PRKG1: variants seen among roughly 807,000 people sequenced by gnomAD.
PRKG1 encodes the protein protein kinase cGMP-dependent 1, also known as cGMP-dependent protein kinase 1.
PRKG1 carries 35 observed loss-of-function variants against 88.1 expected under a neutral mutation model. That is an observed-to-expected ratio of 0.40 (90% CI 0.30 to 0.53). The LOEUF is 0.53. Ranked by LOEUF, PRKG1 falls within the 20% of genes least tolerant of loss-of-function variation. PRKG1 has a pLI of 0.59. For missense variants in PRKG1, 540 were observed against 839.8 expected, an observed-to-expected ratio of 0.64 and a Z score of 4.41; for synonymous variants, 303 against 292.5, an observed-to-expected ratio of 1.04 and a Z score of -0.37.
At chr10:51,493,788 T>C (rs1352165545) in intron 3 of PRKG1, among the ~76,000 whole-genome samples, 1 of 152,220 alleles carries the variant, frequency 6.6e-6, no homozygotes, top group Non-Finnish European at 1.5e-5. Context: ...CCTACTAGAA[T>C]TCAAATTCTA....
At chr10:51,913,858 G>T (rs1842279145) in intron 5 of PRKG1, among the ~76,000 whole-genome samples, 1 of 152,158 alleles carries the variant, frequency 6.6e-6, no homozygotes, top group African/African-American at 2.4e-5. Flanking sequence ...TTAGGTGCAA[G>T]TATGGAACAG....
At chr10:51,707,277 A>G (rs1409265040) in intron 3 of PRKG1, among the ~76,000 whole-genome samples, 1 of 152,174 alleles carries the variant, frequency 6.6e-6, no homozygotes, top group East Asian at 1.9e-4. Context: ...GGCCTGCCTG[A>G]ACTTTGACTG....
intron 8 of PRKG1, among the ~76,000 whole-genome samples, chr10:52,150,710 G>A (rs529929061): frequency 5.9e-5 from 9 of 152,214 alleles, no homozygotes; most frequent in African/African-American, 2.2e-4. Flanking sequence ...GAGTTTCACA[G>A]CATAAATAAC....
intron 2 of PRKG1, among the ~76,000 whole-genome samples, chr10:51,237,813 C>T (rs920724744): frequency 2.0e-5 from 3 of 152,072 alleles, no homozygotes; most frequent in African/African-American, 7.2e-5. Flanking sequence ...CACTGATATC[C>T]TTCTCTTGAC....
intron 13 of PRKG1, 27 bp downstream of exon 13, chr10:52,280,957 G>A (rs7912782): frequency 2.5e-6 from 4 of 1,591,478 alleles, no homozygotes; most frequent in Non-Finnish European, 3.4e-6. Flanking sequence ...CGTGCTTTCT[G>A]CCCTGCAGAT....
chr10:51,617,892 T>C (rs1236291764), intron 3 of PRKG1, among the ~76,000 whole-genome samples: 1 of 152,172 alleles, frequency 6.6e-6, no homozygotes, highest in African/African-American at 2.4e-5. Flanking sequence ...CCAGCTAAAA[T>C]GTAAGAGGTT....
intron 7 of PRKG1, among the ~76,000 whole-genome samples, chr10:52,090,722 GGT>G (rs924259348): frequency 6.6e-6 from 1 of 152,102 alleles, no homozygotes; most frequent in Non-Finnish European, 1.5e-5. Context: ...ATTTGAATGT[GGT>G]AGGTAACTAT....
At chr10:51,723,822 T>C (rs1842069581) in intron 3 of PRKG1, among the ~76,000 whole-genome samples, 1 of 152,208 alleles carries the variant, frequency 6.6e-6, no homozygotes, top group Non-Finnish European at 1.5e-5. Context: ...TTTCTGTTGT[T>C]TGCAGAATAG....
At chr10:51,599,688 A>G (rs1838547389) in intron 3 of PRKG1, among the ~76,000 whole-genome samples, 2 of 152,176 alleles carry the variant, frequency 1.3e-5, no homozygotes, top group Non-Finnish European at 2.9e-5. Flanking sequence ...TGGGGCTCCA[A>G]AGATATATTT....
At chr10:51,547,916 T>C (rs183555427) in intron 3 of PRKG1, among the ~76,000 whole-genome samples, 133 of 152,274 alleles carry the variant, frequency 8.7e-4, no homozygotes, top group Non-Finnish European at 6.9e-4. Flanking sequence ...TGAATTATTG[T>C]TCCCCATATT....
intron 2 of PRKG1, among the ~76,000 whole-genome samples, chr10:51,394,428 G>A (rs543325819): frequency 6.6e-6 from 1 of 152,286 alleles, no homozygotes; most frequent in South Asian, 2.1e-4. Context: ...AATCAGAAAT[G>A]CCTATCCTTT....
intron 2 of PRKG1, among the ~76,000 whole-genome samples, chr10:51,367,252 C>T (rs188942855): frequency 1.1e-3 from 171 of 151,982 alleles, no homozygotes; most frequent in Middle Eastern, 3.4e-3. Context: ...CTTATCTCTT[C>T]TACCAGTAAA....
chr10:51,266,661 TA>T (rs1839843211), intron 2 of PRKG1, among the ~76,000 whole-genome samples: 1 of 152,190 alleles, frequency 6.6e-6, no homozygotes, highest in African/African-American at 2.4e-5. Flanking sequence ...TCAGTTAAAG[TA>T]CGGGCTGTTT....
At chr10:51,699,774 G>A (rs1052156019) in intron 3 of PRKG1, among the ~76,000 whole-genome samples, 4 of 152,220 alleles carry the variant, frequency 2.6e-5, no homozygotes, top group Non-Finnish European at 4.4e-5. Context: ...TTATTACAGA[G>A]TCGCATGATT....
intron 9 of PRKG1, among the ~76,000 whole-genome samples, chr10:52,227,663 A>G (rs1347419829): frequency 1.3e-5 from 2 of 152,156 alleles, no homozygotes; most frequent in East Asian, 3.9e-4. Flanking sequence ...TGTATGTTCT[A>G]TTCAGAAATG....
chr10:52,127,391 A>T (rs1016949721), intron 7 of PRKG1, among the ~76,000 whole-genome samples: 9 of 152,172 alleles, frequency 5.9e-5, no homozygotes, highest in Non-Finnish European at 1.2e-4. Flanking sequence ...GAAGATTTGC[A>T]AGTCACTCAT....
chr10:51,093,954 T>C (rs900453715), intron 1 of PRKG1, among the ~76,000 whole-genome samples: 2 of 151,594 alleles, frequency 1.3e-5, no homozygotes, highest in African/African-American at 4.8e-5. Context: ...TGAAAGTATA[T>C]ATTTATTTGT....
chr10:52,233,027 G>C (rs1384060687), intron 9 of PRKG1, among the ~76,000 whole-genome samples: 1 of 152,168 alleles, frequency 6.6e-6, no homozygotes, highest in East Asian at 1.9e-4. Context: ...CTGGGAAAGA[G>C]AGGCAACAAG....
At chr10:51,806,833 A>G (rs1839320176) in intron 4 of PRKG1, among the ~76,000 whole-genome samples, 4 of 152,090 alleles carry the variant, frequency 2.6e-5, no homozygotes, top group African/African-American at 9.7e-5. Context: ...AAACCAAACA[A>G]TTCCATGTAC....
Sources: gnomAD v4.1 joint callset for allele counts (sites outside exome capture counted in the v4.1 genomes callset) on GRCh38, gnomAD v4.1.1 for gene constraint, MANE v1.5 for transcripts, NCBI Gene and HGNC (gene_info 2026-07-23, HGNC 2026-07-21) for gene names.